B4GALNT2: variants seen among roughly 807,000 people sequenced by gnomAD.
B4GALNT2 encodes beta-1,4-N-acetyl-galactosaminyltransferase 2 (SID blood group).
In B4GALNT2, 42 loss-of-function variants were observed where a neutral mutation model predicts 51.1. The ratio of observed to expected loss-of-function variants is 0.82; its 90% CI spans 0.64 to 1.06. B4GALNT2 has a LOEUF of 1.06. Among genes scored for constraint, B4GALNT2 ranks in the 50% least tolerant of loss-of-function variants. The probability of loss-of-function intolerance (pLI) is 0.00; values close to 1 mark genes in which losing one functional copy is unlikely to be tolerated. For missense variants in B4GALNT2, 602 were observed against 633.6 expected (o/e 0.95, Z 0.54); for synonymous variants, 253 against 251.7 (o/e 1.01, Z -0.05).
chr17:49,142,188 A>C lies in B4GALNT2; in HGVS notation c.353+16A>C. Reference sequence around the variant, plus strand: ...TTCAGAGGAGGTAATGCGGGTCATGAAGGCCCTTGGGTTCTGAGATGGAAC... The same window carrying C: ...TTCAGAGGAGGTAATGCGGGTCATGCAGGCCCTTGGGTTCTGAGATGGAAC... On this transcript the variant is annotated intron_variant, in intron 3 of 10. Transcript: ENST00000393354. 1 of 1,613,924 alleles carries C rather than the reference A, an allele frequency of 6.2e-7. No homozygotes were observed. The highest frequency in any genetic ancestry group is 8.5e-7 in the Non-Finnish European group (1 of 1,179,972).
chr17:49,130,867 TAAATC>T (rs1277876910), upstream of B4GALNT2, among the ~76,000 whole-genome samples: 1 of 152,216 alleles, frequency 6.6e-6, no homozygotes, highest in Non-Finnish European at 1.5e-5. Flanking sequence ...GTTCCCTTAA[TAAATC>T]ACCCAATACC....
rs1208608688 is a variant in B4GALNT2, at chr17:49,170,204, T to A, written c.*476T>A. 1 of 153,012 alleles carries A rather than the reference T, an allele frequency of 6.5e-6. No individual in the cohort carries two copies. The highest frequency in any genetic ancestry group is 1.5e-5 in the Non-Finnish European group (1 of 68,522). 9.5% of individuals were successfully genotyped at this position (153,012 alleles called of 1,614,324 possible). A position where few individuals can be genotyped will look rare whatever the true frequency, so the allele number is the denominator to read the frequency against. ...ATGTGAACATTCCAGGGTCCTTGCC[T>A]TGAGGAGGTTTGCAGCCTGGTTCAG... On this transcript the variant is annotated 3_prime_UTR_variant, in exon 11 of 11. Transcript: ENST00000393354.
Position 49,152,857 on chromosome 17 carries a change from C to T in B4GALNT2, c.411C>T (p.Tyr137=), listed in dbSNP as rs1202853899. ...TCCAGCCCAACCTCCCCTTTGGGTACCCAGTCCACGGAGTGGAGGTGATGC... is the reference window on the plus strand; with the variant it reads ...TCCAGCCCAACCTCCCCTTTGGGTATCCAGTCCACGGAGTGGAGGTGATGC... ...LLVQPNLPFG[Y]PVHGVEVMPL... The change falls in exon 4 of 11, where the codon TAC becomes TAT. Residue 137 remains tyrosine (Y), a synonymous_variant. Transcript: ENST00000393354. The T allele has an allele frequency of 8.1e-6, 13 of 1,611,434 alleles. No individual in the cohort carries two copies. In the South Asian group the frequency reaches 1.4e-4, roughly 18 times the overall value.
intron 5 of B4GALNT2, among the ~76,000 whole-genome samples, chr17:49,157,758 G>A (rs565881053): frequency 4.6e-5 from 7 of 152,270 alleles, no homozygotes; most frequent in African/African-American, 1.7e-4. Flanking sequence ...CATCGTGCCT[G>A]GCTATATTGT....
the B4GALNT2 span, among the ~76,000 whole-genome samples, chr17:49,125,754 GGT>G: frequency 2.8e-5 from 4 of 144,038 alleles, no homozygotes; most frequent in Admixed American, 6.8e-5. Context: ...GAGGTGGGGG[GGT>G]CAGCCCCCCG....
In B4GALNT2 at chr17:49,141,339, T is replaced by C; in HGVS notation, c.107T>C (p.Val36Ala). 2 of 1,614,162 alleles carry C rather than the reference T, an allele frequency of 1.2e-6. No homozygotes were observed. The highest frequency in any genetic ancestry group is 1.3e-5 in the African/African-American group (1 of 75,048). ...TTCGGAAGCATGTTCCTTCAAGCAG[T>C]GTTCAGCAGCCCCAAGCCAGAACTC... is the stretch of plus-strand genomic sequence containing the variant. ...FMFGSMFLQA[V>A]FSSPKPELPS... Residue 36 changes from valine (V) to alanine (A), a missense_variant, in exon 2 of 11, where the codon GTG (valine) becomes GCG (alanine). Physicochemically the swap from Val to Ala is moderately conservative, Grantham distance 64. Transcript: ENST00000393354.
In B4GALNT2 at chr17:49,133,131, G is replaced by A. The variant is rs1189305873; in HGVS notation, c.14+325G>A. On this transcript the variant is annotated intron_variant, in intron 1 of 10. Coordinates refer to ENST00000393354, the MANE Select transcript of B4GALNT2 (RefSeq NM_001159387.2). ...CGAGTGTGGGAATCGGCTCGGGAGT[G>A]CGGGCTTCGGGGCTCTCTGCTTGGA... 3 of 1,529,210 alleles carry A rather than the reference G, an allele frequency of 2.0e-6. No individual in the cohort carries two copies. In the African/African-American group the frequency reaches 4.4e-5, roughly 22 times the overall value. 94.7% of individuals were successfully genotyped at this position (1,529,210 alleles called of 1,614,324 possible).
At position 49,137,628 on chromosome 17, in the gene B4GALNT2, C is replaced by T. The variant is rs549536100; in HGVS notation, c.15-3619C>T. On this transcript the variant is annotated intron_variant, in intron 1 of 10. Coordinates refer to ENST00000393354, the MANE Select transcript of B4GALNT2 (RefSeq NM_001159387.2). Reference sequence around the variant, plus strand: ...CAGTGTGATAACAGAGCATTGTTTCCTTTTAAAATGTATTTACTAAATTAA... The same window carrying T: ...CAGTGTGATAACAGAGCATTGTTTCTTTTTAAAATGTATTTACTAAATTAA... Among the ~76,000 whole-genome samples, 14 of 152,236 alleles carry T rather than the reference C, an allele frequency of 9.2e-5. No homozygotes were observed. In the South Asian group the frequency reaches 1.5e-3, roughly 16 times the overall value.
chr17:49,139,027 T>G (rs1598197118), intron 1 of B4GALNT2, among the ~76,000 whole-genome samples: 1 of 152,190 alleles, frequency 6.6e-6, no homozygotes, highest in Admixed American at 6.5e-5. Context: ...TTATTATTAT[T>G]AATTTTTTTA....
In B4GALNT2 at chr17:49,156,690, C is replaced by G. The variant is rs2042814025; in HGVS notation, c.498+87C>G. The stretch of plus-strand genomic sequence containing the variant: ...GCTGCTCTCAGCCTTTGACGGAGCC[C>G]CTGTCCAGATTCAAGGTCAGACATG... On this transcript the variant is annotated intron_variant, in intron 5 of 10. Coordinates refer to ENST00000393354, the MANE Select transcript of B4GALNT2 (RefSeq NM_001159387.2). 3 of 1,453,732 alleles carry G rather than the reference C, an allele frequency of 2.1e-6. No homozygotes were observed. The East Asian group carries it at 7.1e-5, about 34-fold the overall frequency. The allele number at this position is 1,453,732 out of a possible 1,614,324, so 90.1% of individuals were successfully genotyped here.
chr17:49,162,249 A>T (rs1329191801), intron 7 of B4GALNT2, among the ~76,000 whole-genome samples: 1 of 152,234 alleles, frequency 6.6e-6, no homozygotes, highest in East Asian at 1.9e-4. Flanking sequence ...GTCTAATTTT[A>T]CTTAAGAGCA....
At chr17:49,151,959 C>T (rs567243312) in intron 3 of B4GALNT2, among the ~76,000 whole-genome samples, 3 of 152,286 alleles carry the variant, frequency 2.0e-5, no homozygotes, top group Non-Finnish European at 2.9e-5. Flanking sequence ...GATTGTCAAT[C>T]GCTTTTATCC....
intron 1 of B4GALNT2, among the ~76,000 whole-genome samples, chr17:49,135,853 G>A (rs1241594863): frequency 6.6e-6 from 1 of 151,594 alleles, no homozygotes; most frequent in African/African-American, 2.4e-5. Context: ...CACGAGGTCA[G>A]AAGATCTAGA....
intron 5 of B4GALNT2, among the ~76,000 whole-genome samples, chr17:49,157,001 G>C (rs2042816834): frequency 6.6e-6 from 1 of 152,218 alleles, no homozygotes; most frequent in Non-Finnish European, 1.5e-5. Context: ...TATCTGATCA[G>C]TGGGATGCAA....
chr17:49,153,055 A>G (rs2042774777), intron 4 of B4GALNT2, 149 bp downstream of exon 4: 1 of 715,976 alleles, frequency 1.4e-6, no homozygotes, highest in African/African-American at 1.8e-5. Context: ...GTGAGCTATC[A>G]TCTTGCCAAT....
At chr17:49,125,098 A>G in the B4GALNT2 span, among the ~76,000 whole-genome samples, 1 of 152,210 alleles carries the variant, frequency 6.6e-6, no homozygotes, top group Non-Finnish European at 1.5e-5. Context: ...TCTTAAATAC[A>G]TGTTACACTT....
At chr17:49,126,296 C>G in the B4GALNT2 span, among the ~76,000 whole-genome samples, 11 of 152,130 alleles carry the variant, frequency 7.2e-5, no homozygotes, top group African/African-American at 2.2e-4. Context: ...AGATGCTTGA[C>G]GGCAGCATGC....
chr17:49,141,418 C>G lies in B4GALNT2; in HGVS notation c.186C>G (p.Leu62=). ...TGAAGCTTCTGCCTGAGGAACGTCTCAGGAACCTCTTTTCCTACGATGGAA... is the reference window on the plus strand; with the variant it reads ...TGAAGCTTCTGCCTGAGGAACGTCTGAGGAACCTCTTTTCCTACGATGGAA... ...QKLKLLPEER[L]RNLFSYDGIW... is the part of the protein sequence containing the mutation. The change falls in exon 2 of 11, where the codon CTC becomes CTG. Residue 62 remains leucine (L), a synonymous_variant. Coordinates refer to ENST00000393354, the MANE Select transcript of B4GALNT2 (RefSeq NM_001159387.2). The G allele has an allele frequency of 6.2e-7, 1 of 1,614,160 alleles. No individual in the cohort carries two copies. The highest frequency in any genetic ancestry group is 8.5e-7 in the Non-Finnish European group (1 of 1,180,020).
intron 3 of B4GALNT2, among the ~76,000 whole-genome samples, chr17:49,150,263 C>T (rs1213776177): frequency 1.7e-5 from 2 of 116,260 alleles, no homozygotes; most frequent in Admixed American, 1.8e-4. Context: ...GTCAGCCCCC[C>T]GCCCGGCCAG....
Sources: allele counts gnomAD v4.1 joint callset (sites outside exome capture counted in the v4.1 genomes callset), GRCh38; gene constraint gnomAD v4.1.1; transcripts MANE v1.5; gene names NCBI Gene and HGNC (gene_info 2026-07-23, HGNC 2026-07-21).